Variants in AFF3 observed in about 807,000 individuals in gnomAD.
AFF3 encodes the protein ALF transcription elongation factor 3.
AFF3 carries 32 observed loss-of-function variants against 129.7 expected under a neutral mutation model. The ratio of observed to expected loss-of-function variants is 0.25; its 90% CI spans 0.19 to 0.33. The LOEUF is 0.33. Ranked by LOEUF, AFF3 falls within the 10% of genes least tolerant of loss-of-function variation. The pLI is 1.00. For missense variants in AFF3, 1,373 were observed against 1,592.0 expected, an observed-to-expected ratio of 0.86 and a Z score of 2.34; for synonymous variants, 644 against 635.4, an observed-to-expected ratio of 1.01 and a Z score of -0.20.
chr2:99,862,091 C>T (rs915061019), intron 7 of AFF3, among the ~76,000 whole-genome samples: 1 of 152,098 alleles, frequency 6.6e-6, no homozygotes, highest in African/African-American at 2.4e-5. Flanking sequence ...CCCCACACTT[C>T]CCCCACCCTT....
chr2:99,754,512 T>A (rs1681926111), intron 8 of AFF3, among the ~76,000 whole-genome samples: 1 of 152,204 alleles, frequency 6.6e-6, no homozygotes, highest in Non-Finnish European at 1.5e-5. Context: ...ATTTGTGCAA[T>A]TTTTCTCTGA....
intron 7 of AFF3, among the ~76,000 whole-genome samples, chr2:99,954,220 CA>C (rs368941309): frequency 1.0e-3 from 148 of 144,708 alleles, no homozygotes; most frequent in African/African-American, 3.3e-3. Context: ...ATGCATGGTA[CA>C]AAAAAAAAAC....
chr2:99,788,621 A>G (rs931114108), intron 8 of AFF3, among the ~76,000 whole-genome samples: 2 of 152,240 alleles, frequency 1.3e-5, no homozygotes, highest in African/African-American at 4.8e-5. Context: ...AAAAGGTTAC[A>G]GTAAGAATAG....
chr2:99,825,126 A>T (rs1206469873), intron 8 of AFF3, among the ~76,000 whole-genome samples: 1 of 152,254 alleles, frequency 6.6e-6, no homozygotes, highest in Non-Finnish European at 1.5e-5. Context: ...CACACATCAG[A>T]TTTATCAGAA....
intron 10 of AFF3, among the ~76,000 whole-genome samples, chr2:99,727,800 G>C (rs1028610909): frequency 6.6e-6 from 1 of 152,154 alleles, no homozygotes; most frequent in African/African-American, 2.4e-5. Context: ...GACCTCAAGT[G>C]ATCTGCCCGC....
intron 4 of AFF3, among the ~76,000 whole-genome samples, chr2:100,035,455 T>C (rs960637422): frequency 6.6e-6 from 1 of 152,178 alleles, no homozygotes; most frequent in Admixed American, 6.5e-5. Context: ...CAGACTATGA[T>C]GACTAAGGAA....
At chr2:99,927,949 G>C (rs1484493952) in intron 7 of AFF3, among the ~76,000 whole-genome samples, 1 of 152,098 alleles carries the variant, frequency 6.6e-6, no homozygotes, top group African/African-American at 2.4e-5. Flanking sequence ...TTCCCGTGCT[G>C]TTCTCATGAT....
chr2:99,562,852 C>A (rs1295685281), intron 20 of AFF3, among the ~76,000 whole-genome samples: 1 of 152,172 alleles, frequency 6.6e-6, no homozygotes, highest in African/African-American at 2.4e-5. Context: ...ATTTTCAGAG[C>A]CTTTCTGATA....
chr2:100,140,983 G>T (rs2105619375), intron 1 of AFF3, among the ~76,000 whole-genome samples: 1 of 152,106 alleles, frequency 6.6e-6, no homozygotes, highest in South Asian at 2.1e-4. Flanking sequence ...AGGTAGTGAT[G>T]ATGATGATGA....
chr2:99,928,077 A>G (rs910599864), intron 7 of AFF3, among the ~76,000 whole-genome samples: 2 of 152,188 alleles, frequency 1.3e-5, no homozygotes, highest in African/African-American at 4.8e-5. Context: ...GCCTTCCGCC[A>G]TGATTGTGAG....
chr2:99,771,058 C>T (rs1038273357), intron 8 of AFF3, among the ~76,000 whole-genome samples: 3 of 152,146 alleles, frequency 2.0e-5, no homozygotes, highest in African/African-American at 4.8e-5. Context: ...TACATATATA[C>T]CACAGAATAC....
intron 1 of AFF3, among the ~76,000 whole-genome samples, chr2:100,130,399 C>G (rs1692378390): frequency 6.6e-6 from 1 of 152,168 alleles, no homozygotes; most frequent in African/African-American, 2.4e-5. Context: ...TAAGAGACAC[C>G]CGCTCTGAAG....
chr2:99,633,717 G>A (rs904221429), intron 13 of AFF3, among the ~76,000 whole-genome samples: 2 of 151,804 alleles, frequency 1.3e-5, no homozygotes, highest in Non-Finnish European at 2.9e-5. Context: ...AGTCCATGAG[G>A]GTGGGTTCTT....
chr2:100,082,107 T>C (rs1303386366), intron 4 of AFF3, among the ~76,000 whole-genome samples: 3 of 152,276 alleles, frequency 2.0e-5, no homozygotes. Context: ...CCAAATTACA[T>C]AAGCATTTCT....
chr2:99,668,358 G>A (rs906950173), intron 12 of AFF3, among the ~76,000 whole-genome samples: 1 of 151,906 alleles, frequency 6.6e-6, no homozygotes, highest in Non-Finnish European at 1.5e-5. Context: ...TTTTAGTAGA[G>A]ACTGGTTTTC....
intron 11 of AFF3, among the ~76,000 whole-genome samples, chr2:99,720,950 T>C (rs1340001766): frequency 1.3e-5 from 2 of 152,170 alleles, no homozygotes. Flanking sequence ...TTATTGTTTG[T>C]GCTATTTTGT....
intron 7 of AFF3, among the ~76,000 whole-genome samples, chr2:99,943,688 C>G (rs1675275548): frequency 6.6e-6 from 1 of 152,142 alleles, no homozygotes; most frequent in African/African-American, 2.4e-5. Flanking sequence ...ACCTGTTGAT[C>G]TACTTCTAGT....
intron 2 of AFF3, chr2:100,107,248 A>G: frequency 1.0e-6 from 1 of 985,414 alleles, no homozygotes; most frequent in Non-Finnish European, 1.2e-6. Context: ...TTTTACAAGT[A>G]AAATGTAGAA....
intron 14 of AFF3, among the ~76,000 whole-genome samples, chr2:99,599,196 T>G (rs1182620203): frequency 6.6e-6 from 1 of 152,246 alleles, no homozygotes; most frequent in Non-Finnish European, 1.5e-5. Flanking sequence ...TCTTTGTAAT[T>G]ATCTCAGTGA....
Sources: allele counts gnomAD v4.1 joint callset (sites outside exome capture counted in the v4.1 genomes callset), GRCh38; gene constraint gnomAD v4.1.1; transcripts MANE v1.5; gene names NCBI Gene and HGNC (gene_info 2026-07-23, HGNC 2026-07-21).